The following SDK2 variants were observed in gnomAD, a reference collection of about 807,000 sequenced individuals.
SDK2 encodes protein sidekick-2.
A neutral mutation model predicts 253.9 loss-of-function variants in SDK2; 105 were observed. The ratio of observed to expected loss-of-function variants is 0.41; its 90% CI spans 0.35 to 0.49. SDK2 has a LOEUF of 0.49. SDK2 is among the 20% of genes least tolerant of loss of function. The pLI is 0.06. For missense variants in SDK2, 2,608 were observed against 3,003.0 expected, an observed-to-expected ratio of 0.87 and a Z score of 3.07; for synonymous variants, 1,249 against 1,234.9, an observed-to-expected ratio of 1.01 and a Z score of -0.24.
At chr17:73,456,200 AC>A in intron 3 of SDK2, 147 bp from the exon 4 acceptor site, 1 of 826,380 alleles carries the variant, frequency 1.2e-6, no homozygotes, top group Non-Finnish European at 1.8e-6. Context: ...TGCTCGGGCC[AC>A]CCCATTCTCT....
chr17:73,569,202 T>C (rs2045349041), intron 1 of SDK2, among the ~76,000 whole-genome samples: 2 of 149,322 alleles, frequency 1.3e-5, no homozygotes, highest in Admixed American at 1.3e-4. Context: ...TTCTTTTCTT[T>C]TTTTTTTTTT....
rs371190241 is a variant in SDK2 at position 73,395,922 on chromosome 17, CT to C, written c.3355-531del. The stretch of plus-strand genomic sequence containing the variant: ...GCATTTTCAGCCTCCTTTTTCTTTT[CT>C]TTTTTTTTTTTAAGACAGGGTCTGG... On this transcript the variant is annotated intron_variant, in intron 24 of 44. Transcript: ENST00000392650. The surrounding 1 kb of genome is among the most constrained non-coding windows in gnomAD (Gnocchi z 4.3). Among the ~76,000 whole-genome samples the C allele has an allele frequency of 5.0e-3, 719 of 143,920 alleles. 15 individuals carry two copies. In the East Asian group the frequency reaches 0.058, roughly 12 times the overall value. 94.4% of individuals were successfully genotyped at this position (143,920 alleles called of 152,430 possible).
chr17:73,514,052 T>G (rs1373042210), intron 1 of SDK2, among the ~76,000 whole-genome samples: 1 of 152,186 alleles, frequency 6.6e-6, no homozygotes, highest in Non-Finnish European at 1.5e-5. Flanking sequence ...ACCACAGGTA[T>G]GAATTACTTA....
In SDK2 at chr17:73,419,247, C is replaced by T. The variant is rs773893762; in HGVS notation, c.2105G>A (p.Arg702Gln). 1.2e-5 allele frequency: 19 copies of T among 1,612,676 alleles called. No homozygotes were observed. Among genetic ancestry groups the T allele is most frequent in the South Asian group, 3.3e-5 (3 of 90,674 alleles). The change falls in exon 16 of 45, where the codon CGA (arginine) becomes CAA (glutamine). Residue 702 changes from arginine (R) to glutamine (Q), a missense_variant. Transcript: ENST00000392650. The part of the protein sequence containing the change: ...APPQNVIASG[R>Q]TNQSIMIQWQ... ...CTGGATCATGATGGACTGGTTGGTTCGACCGCTGGCGATGACGTTCTGTGG... is the reference window on the plus strand; with the variant it reads ...CTGGATCATGATGGACTGGTTGGTTTGACCGCTGGCGATGACGTTCTGTGG...
chr17:73,358,228 G>A (rs1280587669), intron 39 of SDK2, 24 bp from the exon 40 acceptor site: 2 of 1,576,158 alleles, frequency 1.3e-6, no homozygotes, highest in African/African-American at 1.4e-5. Flanking sequence ...ACAGAGGCGA[G>A]GGATGTATGG....
rs138265085 is a variant in SDK2, at chr17:73,386,552, T to C, written c.4395-4A>G. 1 of 1,550,102 alleles carries C rather than the reference T, an allele frequency of 6.5e-7. No homozygotes were observed. Among genetic ancestry groups the C allele is most frequent in the African/African-American group, 1.4e-5 (1 of 73,188 alleles). ...GTAGGACGTGAAGGGCTTCAGCCTG[T>C]AGGGAGAAATCAGGGCCAATGAGCC... On this transcript the variant is annotated splice_region_variant and splice_polypyrimidine_tract_variant and intron_variant, in intron 30 of 44. Transcript: ENST00000392650.
intron 1 of SDK2, among the ~76,000 whole-genome samples, chr17:73,632,420 G>A (rs968550885): frequency 2.6e-5 from 4 of 152,114 alleles, no homozygotes; most frequent in East Asian, 1.9e-4. Flanking sequence ...CTTGAACATC[G>A]GACTCCAAGT....
At chr17:73,530,700 T>G (rs1021835732) in intron 1 of SDK2, among the ~76,000 whole-genome samples, 1 of 152,206 alleles carries the variant, frequency 6.6e-6, no homozygotes, top group Non-Finnish European at 1.5e-5. Flanking sequence ...TCTTACAGTC[T>G]CAATTACCCC....
chr17:73,612,293 G>A lies in SDK2; in HGVS notation c.64+31732C>T, dbSNP rs776953523. Among the ~76,000 whole-genome samples the A allele has an allele frequency of 2.0e-5, 3 of 151,874 alleles. No homozygotes were observed. The highest frequency in any genetic ancestry group is 4.4e-5 in the Non-Finnish European group (3 of 67,924). ...GTGACCCAGCTGCACCTGGGCTGCAGGCTGGCCCCGCATGGTCCCCTACCC... is the reference window on the plus strand; with the variant it reads ...GTGACCCAGCTGCACCTGGGCTGCAAGCTGGCCCCGCATGGTCCCCTACCC... On this transcript the variant is annotated intron_variant, in intron 1 of 44. Transcript: ENST00000392650. This position sits in a 1 kb window ranked among gnomAD's most constrained non-coding sequence, Gnocchi z 4.4.
In SDK2 at chr17:73,430,540, T is replaced by A. The variant is rs746680495; in HGVS notation, c.1554A>T (p.Gly518=). ...TGGTTACTCGGGGGTCGTGGGTCAC[T>A]CCGCACACCATGGAGGCCTGGGTGC... ...IKGTQASMVC[G]VTHDPRVTIR... The change falls in exon 12 of 45, where the codon GGA becomes GGT. Residue 518 remains glycine (G), a synonymous_variant. Coordinates refer to ENST00000392650, the MANE Select transcript of SDK2 (RefSeq NM_001144952.2). 32 of 1,608,674 alleles carry A rather than the reference T, an allele frequency of 2.0e-5. No individual in the cohort carries two copies. Among genetic ancestry groups the A allele is most frequent in the Non-Finnish European group, 2.7e-5 (32 of 1,177,352 alleles).
chr17:73,422,543 A>T, intron 14 of SDK2, 109 bp from the exon 15 acceptor site: 1 of 1,271,748 alleles, frequency 7.9e-7, no homozygotes, highest in South Asian at 1.3e-5. Flanking sequence ...GGCAAGAGAG[A>T]GCCTCCCCAG....
At chr17:73,604,373 G>A (rs2045880872) in intron 1 of SDK2, among the ~76,000 whole-genome samples, 3 of 152,188 alleles carry the variant, frequency 2.0e-5, no homozygotes, top group African/African-American at 7.2e-5. Context: ...CAAACTCAGG[G>A]CACAGGGAAG....
At chr17:73,500,977 C>G (rs1271348647) in intron 2 of SDK2, among the ~76,000 whole-genome samples, 4 of 152,224 alleles carry the variant, frequency 2.6e-5, no homozygotes, top group Non-Finnish European at 4.4e-5. Context: ...TTGTCTCCAG[C>G]CATGCTGCCC....
rs376942765 is a variant in SDK2, at chr17:73,395,177, C to T, written c.3570G>A (p.Val1190=). ...TACCTGACTCCCGGGTCCTGCCCACCACCGTCTGGCTCCAGGGCCCGCTCC... is the reference window on the plus strand; with the variant it reads ...TACCTGACTCCCGGGTCCTGCCCACTACCGTCTGGCTCCAGGGCCCGCTCC... ...AIGSGPWSQT[V]VGRTRESVPS... Residue 1190 remains valine, a synonymous_variant, in exon 25 of 45, where the codon GTG becomes GTA. Coordinates refer to ENST00000392650, the MANE Select transcript of SDK2 (RefSeq NM_001144952.2). The surrounding 1 kb of genome is among the most constrained non-coding windows in gnomAD (Gnocchi z 4.3). 9 of 1,602,132 alleles carry T rather than the reference C, an allele frequency of 5.6e-6. No homozygotes were observed. Among genetic ancestry groups the T allele is most frequent in the East Asian group, 4.5e-5 (2 of 44,268 alleles).
chr17:73,580,252 C>A (rs896971920), intron 1 of SDK2, among the ~76,000 whole-genome samples: 2 of 152,220 alleles, frequency 1.3e-5, no homozygotes, highest in Non-Finnish European at 2.9e-5. Context: ...TCATTCCTCT[C>A]CCTCTTGGCA....
Position 73,431,743 on chromosome 17 carries a change from G to T in SDK2, c.1313-74C>A. 1 of 1,427,942 alleles carries T rather than the reference G, an allele frequency of 7.0e-7. No homozygotes were observed. 88.5% of individuals were successfully genotyped at this position (1,427,942 alleles called of 1,614,324 possible). Reference sequence around the variant, plus strand: ...CCCTGCCCTTCCCTGGCCGCTCCAGGGCAGCATGGTCCCCCCACAGGCCCC... The same window carrying T: ...CCCTGCCCTTCCCTGGCCGCTCCAGTGCAGCATGGTCCCCCCACAGGCCCC... On this transcript the variant is annotated intron_variant, in intron 10 of 44. Transcript: ENST00000392650. The surrounding 1 kb of genome is among the most constrained non-coding windows in gnomAD (Gnocchi z 5.6).
chr17:73,447,278 AG>A lies in SDK2; in HGVS notation c.613+336del, dbSNP rs907432211. Among the ~76,000 whole-genome samples the A allele has an allele frequency of 2.0e-5, 3 of 152,140 alleles. No homozygotes were observed. The highest frequency in any genetic ancestry group is 3.4e-3 in the Middle Eastern group (1 of 294). On this transcript the variant is annotated intron_variant, in intron 5 of 44. Coordinates refer to ENST00000392650, the MANE Select transcript of SDK2 (RefSeq NM_001144952.2). The surrounding 1 kb of genome is among the most constrained non-coding windows in gnomAD (Gnocchi z 4.0). ...TCCTGGTCAGCATCTGAGCCCCGATAGTGGCTGCAACTCACACATGCACACG... is the reference window on the plus strand; with the variant it reads ...TCCTGGTCAGCATCTGAGCCCCGATATGGCTGCAACTCACACATGCACACG...
intron 3 of SDK2, among the ~76,000 whole-genome samples, chr17:73,462,899 T>C (rs1485011301): frequency 1.3e-5 from 2 of 152,182 alleles, no homozygotes; most frequent in East Asian, 3.8e-4. Flanking sequence ...AGTTCCTTGT[T>C]GAGCAGGCCA....
rs1381442123 is a variant in SDK2, at chr17:73,423,965, C to T, written c.1711G>A (p.Val571Met). Reference protein sequence around the residue: ...SGDIGTYTCRVISAGGNDSRS... With the variant: ...SGDIGTYTCRMISAGGNDSRS... ...GAGTCGTTGCCTCCTGCTGAGATCA[C>T]CCGGCAGGTGTACGTGCCGATGTCT... The change falls in exon 13 of 45, where the codon GTG becomes ATG. Residue 571 changes from valine (V) to methionine (M), a missense_variant. Val to Met is a conservative substitution (Grantham distance 21, BLOSUM62 1). Coordinates refer to ENST00000392650, the MANE Select transcript of SDK2 (RefSeq NM_001144952.2). 1 of 1,605,420 alleles carries T rather than the reference C, an allele frequency of 6.2e-7. No individual in the cohort carries two copies. The highest frequency in any genetic ancestry group is 8.5e-7 in the Non-Finnish European group (1 of 1,176,460).
Sources: allele counts gnomAD v4.1 joint callset (sites outside exome capture counted in the v4.1 genomes callset), GRCh38; gene constraint gnomAD v4.1.1; non-coding constraint Gnocchi (gnomAD v3.1); transcripts MANE v1.5; gene names NCBI Gene and HGNC (gene_info 2026-07-23, HGNC 2026-07-21).